CMTM3: variants seen among roughly 807,000 people sequenced by gnomAD.
The protein encoded by CMTM3 is CKLF like MARVEL transmembrane domain containing 3.
A neutral mutation model predicts 18.2 loss-of-function variants in CMTM3; 7 were observed. The ratio of observed to expected loss-of-function variants is 0.38; its 90% CI spans 0.22 to 0.72. CMTM3 has a LOEUF of 0.72. Ranked by LOEUF, CMTM3 falls within the 30% of genes least tolerant of loss-of-function variation. The pLI is 0.46. For synonymous variants in CMTM3, 109 were observed against 111.2 expected (o/e 0.98, Z 0.12); for missense variants, 227 against 249.2 (o/e 0.91, Z 0.60).
At chr16:66,611,314 A>C (rs553670808) in intron 4 of CMTM3, among the ~76,000 whole-genome samples, 2 of 152,118 alleles carry the variant, frequency 1.3e-5, no homozygotes, top group East Asian at 3.9e-4. Context: ...TCAGCCAGGC[A>C]TGGTGGTGCC....
chr16:66,613,858 A>G lies in CMTM3; in HGVS notation c.*1221A>G, dbSNP rs1032193519. 1.3e-5 allele frequency: 2 copies of G among 152,226 alleles called. No individual in the cohort carries two copies. The highest frequency in any genetic ancestry group is 2.1e-4 in the South Asian group (1 of 4,832). The allele number at this position is 152,226 out of a possible 1,614,324, so 9.4% of individuals were successfully genotyped here. A position where few individuals can be genotyped will look rare whatever the true frequency, so the allele number is the denominator to read the frequency against. On this transcript the variant is annotated 3_prime_UTR_variant, in exon 5 of 5. Transcript: ENST00000567572. ...GTGGATCCTGACAGCTTTCAGTTTT[A>G]GCAAAAATACACGTGAAATCTGACT...
Position 66,612,767 on chromosome 16 carries a change from C to T in CMTM3, c.*130C>T. ...AGGGGGCTGCGGACACAGCAGGCCC[C>T]CTACAGCCTCAGGTTCTGCCTGAGC... On this transcript the variant is annotated 3_prime_UTR_variant, in exon 5 of 5. Coordinates refer to ENST00000567572, the MANE Select transcript of CMTM3 (RefSeq NM_181553.4). The surrounding 1 kb of genome is among the most constrained non-coding windows in gnomAD (Gnocchi z 6.0). The T allele has an allele frequency of 1.1e-6, 1 of 881,256 alleles. No homozygotes were observed. Among genetic ancestry groups the T allele is most frequent in the South Asian group, 1.6e-5 (1 of 61,376 alleles). 54.6% of individuals were successfully genotyped at this position (881,256 alleles called of 1,614,324 possible).
chr16:66,611,153 G>A (rs1597211233), intron 4 of CMTM3: 1 of 319,840 alleles, frequency 3.1e-6, no homozygotes, highest in Non-Finnish European at 5.6e-6. Context: ...TGACTTATAT[G>A]TTAGAATTGA....
intron 4 of CMTM3, chr16:66,611,141 C>T: frequency 2.8e-6 from 1 of 351,232 alleles, no homozygotes. Context: ...TAAAATTATT[C>T]TTGACTTATA....
rs2015351728 is a variant in CMTM3 at position 66,610,897 on chromosome 16, C to T, written c.520+894C>T. ...TTTGTGAATCCCAGAAACCGTCCTT[C>T]TGCTGAAAATGAATGCCACTCATCC... On this transcript the variant is annotated intron_variant, in intron 4 of 4. Transcript: ENST00000567572. This position sits in a 1 kb window ranked among gnomAD's most constrained non-coding sequence, Gnocchi z 4.6. The T allele has an allele frequency of 5.0e-6, 2 of 398,494 alleles. No individual in the cohort carries two copies. The highest frequency in any genetic ancestry group is 8.8e-5 in the Admixed American group (2 of 22,712). 24.7% of individuals were successfully genotyped at this position (398,494 alleles called of 1,614,324 possible).
chr16:66,604,737 T>A lies in CMTM3; in HGVS notation c.-69T>A, dbSNP rs2015061141. 1 of 1,165,620 alleles carries A rather than the reference T, an allele frequency of 8.6e-7. No homozygotes were observed. The highest frequency in any genetic ancestry group is 1.1e-6 in the Non-Finnish European group (1 of 933,842). 72.2% of individuals were successfully genotyped at this position (1,165,620 alleles called of 1,614,324 possible). The stretch of plus-strand genomic sequence containing the variant: ...CTGCCCTCCTTCCGCACAGCCCGGG[T>A]TTCCGCTTCCCTCCGGGCGCGAGAA... On this transcript the variant is annotated 5_prime_UTR_variant, in exon 1 of 5. Coordinates refer to ENST00000567572, the MANE Select transcript of CMTM3 (RefSeq NM_181553.4).
intron 1 of CMTM3, among the ~76,000 whole-genome samples, chr16:66,607,620 G>A (rs898104025): frequency 1.8e-4 from 27 of 152,284 alleles, no homozygotes; most frequent in Admixed American, 2.6e-4. Flanking sequence ...ATTCAGTGAC[G>A]AGCACACGTC....
intron 1 of CMTM3, among the ~76,000 whole-genome samples, chr16:66,607,000 G>A (rs1420416301): frequency 6.6e-6 from 1 of 152,160 alleles, no homozygotes; most frequent in Non-Finnish European, 1.5e-5. Flanking sequence ...TCTCTGGGGC[G>A]GAGGTAAGAT....
In CMTM3 at chr16:66,605,957, C is replaced by G. The variant is rs2015134416; in HGVS notation, c.147+1005C>G. 6.6e-6 allele frequency among the ~76,000 whole-genome samples: 1 copy of G among 151,928 alleles called. No homozygotes were observed. Among genetic ancestry groups the G allele is most frequent in the Non-Finnish European group, 1.5e-5 (1 of 67,980 alleles). Reference sequence around the variant, plus strand: ...TCCGAGCCCACACTCCCAGCCCCACCCTGGAGACCACTGGGAGCCACTTGA... The same window carrying G: ...TCCGAGCCCACACTCCCAGCCCCACGCTGGAGACCACTGGGAGCCACTTGA... On this transcript the variant is annotated intron_variant, in intron 1 of 4. Coordinates refer to ENST00000567572, the MANE Select transcript of CMTM3 (RefSeq NM_181553.4). The surrounding 1 kb of genome is among the most constrained non-coding windows in gnomAD (Gnocchi z 4.6).
At chr16:66,607,454 A>T (rs754954718) in intron 1 of CMTM3, among the ~76,000 whole-genome samples, 109 of 152,002 alleles carry the variant, frequency 7.2e-4, no homozygotes, top group Non-Finnish European at 1.4e-3. Context: ...ATACATTAAA[A>T]CTCCAAAAGA....
intron 1 of CMTM3, among the ~76,000 whole-genome samples, chr16:66,606,231 T>C (rs920945466): frequency 6.6e-6 from 1 of 151,874 alleles, no homozygotes; most frequent in Non-Finnish European, 1.5e-5. Flanking sequence ...GCCAAGCAAG[T>C]GCAGAGGCTG....
In CMTM3 at chr16:66,612,142, C is replaced by T. The variant is rs558117734; in HGVS notation, c.521-467C>T. Among the ~76,000 whole-genome samples the T allele has an allele frequency of 1.1e-4, 17 of 152,264 alleles. No individual in the cohort carries two copies. The South Asian group carries it at 3.3e-3, about 30-fold the overall frequency. On this transcript the variant is annotated intron_variant, in intron 4 of 4. Transcript: ENST00000567572. This position sits in a 1 kb window ranked among gnomAD's most constrained non-coding sequence, Gnocchi z 6.0. ...TGCAAGTGGCTTCTGCGGCCGGGCACGGTGGCTCACGCCTGTTACCCCAGC... is the reference window on the plus strand; with the variant it reads ...TGCAAGTGGCTTCTGCGGCCGGGCATGGTGGCTCACGCCTGTTACCCCAGC...
chr16:66,607,834 G>GT (rs2015216027), intron 1 of CMTM3, among the ~76,000 whole-genome samples: 1 of 150,832 alleles, frequency 6.6e-6, no homozygotes, highest in South Asian at 2.1e-4. Flanking sequence ...GGCCATGCTG[G>GT]GTTTTTTTTT....
chr16:66,605,164 C>T lies in CMTM3; in HGVS notation c.147+212C>T. ...GGGGCGGGGCCCGAGCCCAGGCCAT[C>T]CGCGGCGCTGTCCCCGCGAGTCCAG... On this transcript the variant is annotated intron_variant, in intron 1 of 4. Transcript: ENST00000567572. The surrounding 1 kb of genome is among the most constrained non-coding windows in gnomAD (Gnocchi z 4.6). The T allele has an allele frequency of 6.7e-6, 3 of 446,486 alleles. No homozygotes were observed. The highest frequency in any genetic ancestry group is 2.1e-5 in the African/African-American group (1 of 48,252). 27.7% of individuals were successfully genotyped at this position (446,486 alleles called of 1,614,324 possible).
At position 66,604,710 on chromosome 16, in the gene CMTM3, G is replaced by A. The variant is rs560660626; in HGVS notation, c.-96G>A. ...ATGCGCCCCTGCGCGAGCCAGTGTC[G>A]CCTGCCCTCCTTCCGCACAGCCCGG... On this transcript the variant is annotated 5_prime_UTR_variant, in exon 1 of 5. Coordinates refer to ENST00000567572, the MANE Select transcript of CMTM3 (RefSeq NM_181553.4). 8 of 996,398 alleles carry A rather than the reference G, an allele frequency of 8.0e-6. No homozygotes were observed. The South Asian group carries it at 3.4e-4, about 42-fold the overall frequency. The allele number at this position is 996,398 out of a possible 1,614,324, so 61.7% of individuals were successfully genotyped here. A position where few individuals can be genotyped will look rare whatever the true frequency, so the allele number is the denominator to read the frequency against.
chr16:66,609,401 AG>A lies in CMTM3; in HGVS notation c.304-30del, dbSNP rs1361972897. The stretch of plus-strand genomic sequence containing the variant: ...TCCTCCCCATGCTGTGCTCAGCTCC[AG>A]GGGCTCAGGGCAGCATGCCCCTCTC... On this transcript the variant is annotated intron_variant, in intron 2 of 4. Coordinates refer to ENST00000567572, the MANE Select transcript of CMTM3 (RefSeq NM_181553.4). This position sits in a 1 kb window ranked among gnomAD's most constrained non-coding sequence, Gnocchi z 4.4. 1 of 1,585,826 alleles carries A rather than the reference AG, an allele frequency of 6.3e-7. No individual in the cohort carries two copies. Among genetic ancestry groups the A allele is most frequent in the Non-Finnish European group, 8.6e-7 (1 of 1,159,748 alleles).
chr16:66,604,975 C>A, intron 1 of CMTM3, 23 bp downstream of exon 1: 1 of 1,472,244 alleles, frequency 6.8e-7, no homozygotes. Context: ...GGACCCTCGG[C>A]CGCCCCGCTA....
Position 66,608,161 on chromosome 16 carries a change from G to C in CMTM3, c.148-148G>C. The stretch of plus-strand genomic sequence containing the variant: ...GTGCTTGGCCTGGGATTCTAATCTG[G>C]CTCTGCCACTTCCCAGCTGCGGGAC... On this transcript the variant is annotated intron_variant, in intron 1 of 4. Transcript: ENST00000567572. This position sits in a 1 kb window ranked among gnomAD's most constrained non-coding sequence, Gnocchi z 5.1. The C allele has an allele frequency of 1.2e-6, 1 of 802,644 alleles. No individual in the cohort carries two copies. Among genetic ancestry groups the C allele is most frequent in the Non-Finnish European group, 2.0e-6 (1 of 493,166 alleles). 49.7% of individuals were successfully genotyped at this position (802,644 alleles called of 1,614,324 possible).
At chr16:66,604,151 GTC>G, upstream of CMTM3, 1 of 153,176 alleles carries the variant, frequency 6.5e-6, no homozygotes, top group Non-Finnish European at 1.5e-5. Context: ...GTGTGTGTGT[GTC>G]TGTGTGTGTG....
Sources: allele counts gnomAD v4.1 joint callset (sites outside exome capture counted in the v4.1 genomes callset), GRCh38; gene constraint gnomAD v4.1.1; non-coding constraint Gnocchi (gnomAD v3.1); transcripts MANE v1.5; gene names NCBI Gene and HGNC (gene_info 2026-07-23, HGNC 2026-07-21).